CNTN5: variants seen among roughly 807,000 people sequenced by gnomAD.
CNTN5 encodes contactin 5, also known as contactin-5.
A neutral mutation model predicts 129.1 loss-of-function variants in CNTN5; 77 were observed. The ratio of observed to expected loss-of-function variants is 0.60; its 90% CI spans 0.50 to 0.72. The LOEUF (loss-of-function observed/expected upper bound fraction) is 0.72. CNTN5 is among the 30% of genes least tolerant of loss of function. The pLI, the probability that CNTN5 is intolerant of heterozygous loss-of-function variation, is 0.00. For missense variants in CNTN5, 1,478 were observed against 1,328.8 expected (o/e 1.11, Z -1.75); for synonymous variants, 509 against 465.6 (o/e 1.09, Z -1.20).
At chr11:99,162,608 A>G (rs1199212182) in intron 1 of CNTN5, among the ~76,000 whole-genome samples, 1 of 152,176 alleles carries the variant, frequency 6.6e-6, no homozygotes, top group Non-Finnish European at 1.5e-5. Flanking sequence ...CCTATAATAC[A>G]TTATCTGATA....
rs1315133572 is a variant in CNTN5 at position 99,984,809 on chromosome 11, A to G, written c.878-17225A>G. ...ATTTGAGGCAAAATATGGAAAGATA[A>G]CTTAGGACTAGAACATTGGAGCTGA... On this transcript the variant is annotated intron_variant, in intron 8 of 24. Transcript: ENST00000524871. Among the ~76,000 whole-genome samples the G allele has an allele frequency of 2.0e-5, 3 of 152,214 alleles. No individual in the cohort carries two copies. The East Asian group carries it at 5.8e-4, about 29-fold the overall frequency.
intron 3 of CNTN5, among the ~76,000 whole-genome samples, chr11:99,711,068 A>T (rs545270909): frequency 6.6e-6 from 1 of 151,936 alleles, no homozygotes; most frequent in Non-Finnish European, 1.5e-5. Context: ...CTAATTGTAC[A>T]TAACCTATAT....
intron 3 of CNTN5, among the ~76,000 whole-genome samples, chr11:99,753,248 GAGTAGC>G (rs1944295474): frequency 7.0e-6 from 1 of 143,034 alleles, no homozygotes; most frequent in African/African-American, 2.6e-5. Flanking sequence ...TCAGCCTCCC[GAGTAGC>G]TGGGACTACA....
chr11:99,557,004 G>A (rs1948695629), intron 3 of CNTN5, among the ~76,000 whole-genome samples: 1 of 151,172 alleles, frequency 6.6e-6, no homozygotes, highest in Non-Finnish European at 1.5e-5. Flanking sequence ...CGCTATGCAT[G>A]TAACATTTAC....
At chr11:99,052,210 CAT>C (rs911966491) in intron 1 of CNTN5, among the ~76,000 whole-genome samples, 2 of 151,626 alleles carry the variant, frequency 1.3e-5, no homozygotes, top group African/African-American at 2.4e-5. Context: ...CATATGTTTA[CAT>C]ATATATACAC....
chr11:99,825,127 G>T (rs1462233281), intron 4 of CNTN5, among the ~76,000 whole-genome samples: 1 of 151,968 alleles, frequency 6.6e-6, no homozygotes, highest in African/African-American at 2.4e-5. Flanking sequence ...AAAATAGTTT[G>T]TAAAAATTGC....
intron 1 of CNTN5, among the ~76,000 whole-genome samples, chr11:99,273,906 A>G (rs1863299801): frequency 6.6e-6 from 1 of 151,682 alleles, no homozygotes; most frequent in Non-Finnish European, 1.5e-5. Flanking sequence ...ATTGCTTCTT[A>G]GGAACTTTTA....
At chr11:99,391,657 G>C (rs1042560612) in intron 2 of CNTN5, among the ~76,000 whole-genome samples, 5 of 151,992 alleles carry the variant, frequency 3.3e-5, no homozygotes, top group African/African-American at 1.2e-4. Flanking sequence ...GGTGAAGGTA[G>C]GGCATTAAGC....
chr11:99,118,395 A>T (rs1479844527), intron 1 of CNTN5, among the ~76,000 whole-genome samples: 1 of 152,118 alleles, frequency 6.6e-6, no homozygotes, highest in East Asian at 1.9e-4. Flanking sequence ...TTTGGTTTCA[A>T]TGTTGCTGAC....
intron 3 of CNTN5, among the ~76,000 whole-genome samples, chr11:99,723,018 C>T (rs998926727): frequency 1.2e-4 from 18 of 151,944 alleles, no homozygotes; most frequent in Non-Finnish European, 2.2e-4. Context: ...TCAGCTCATG[C>T]ACTCTAGTGT....
At chr11:99,551,142 A>G (rs184937522) in intron 2 of CNTN5, among the ~76,000 whole-genome samples, 141 of 152,296 alleles carry the variant, frequency 9.3e-4, no homozygotes, top group Middle Eastern at 6.8e-3. Context: ...CTATTTATAC[A>G]CTGCAGTTTC....
intron 3 of CNTN5, among the ~76,000 whole-genome samples, chr11:99,711,772 G>A (rs1489380873): frequency 2.6e-5 from 4 of 151,904 alleles, no homozygotes; most frequent in Admixed American, 2.6e-4. Context: ...GAGAATCATG[G>A]TTTCCAGCTT....
intron 9 of CNTN5, among the ~76,000 whole-genome samples, chr11:100,020,483 G>T (rs562334212): frequency 6.6e-6 from 1 of 151,926 alleles, no homozygotes; most frequent in Admixed American, 6.6e-5. Flanking sequence ...TCTTCCATAT[G>T]CCTATATGTC....
Position 99,370,112 on chromosome 11 carries a change from A to G in CNTN5, c.-71+44628A>G, listed in dbSNP as rs182824795. Among the ~76,000 whole-genome samples the G allele has an allele frequency of 7.2e-5, 11 of 152,292 alleles. No individual in the cohort carries two copies. The East Asian group carries it at 2.1e-3, about 29-fold the overall frequency. ...ATTTCATATGTGAAACAAGATAAAAACTATATTTTAGATTATTTGGAGGAA... is the reference window on the plus strand; with the variant it reads ...ATTTCATATGTGAAACAAGATAAAAGCTATATTTTAGATTATTTGGAGGAA... On this transcript the variant is annotated intron_variant, in intron 2 of 24. Transcript: ENST00000524871.
chr11:99,430,510 C>T (rs958295342), intron 2 of CNTN5, among the ~76,000 whole-genome samples: 6 of 149,610 alleles, frequency 4.0e-5, no homozygotes, highest in Non-Finnish European at 7.4e-5. Flanking sequence ...GCTCTCTTTT[C>T]TCTCTCTATA....
At chr11:99,108,993 T>C (rs1857649543) in intron 1 of CNTN5, among the ~76,000 whole-genome samples, 1 of 151,802 alleles carries the variant, frequency 6.6e-6, no homozygotes, top group African/African-American at 2.4e-5. Flanking sequence ...AAGGCTCATA[T>C]GTAAGTAAAT....
chr11:99,249,600 G>C (rs986302787), intron 1 of CNTN5, among the ~76,000 whole-genome samples: 36 of 151,842 alleles, frequency 2.4e-4, no homozygotes, highest in Non-Finnish European at 3.7e-4. Flanking sequence ...ACATATTCTA[G>C]GTTTTTAAAA....
rs116013747 is a variant in CNTN5, at chr11:99,127,829, C to T, written c.-210+106559C>T. 8.5e-3 allele frequency among the ~76,000 whole-genome samples: 1,295 copies of T among 152,240 alleles called. 23 individuals carry two copies. The highest frequency in any genetic ancestry group is 0.029 in the African/African-American group (1,203 of 41,548). Reference sequence around the variant, plus strand: ...TTTGTCCAGTGGTATCCTCCATTAACGTCTTTATCACATATGACAACTATG... The same window carrying T: ...TTTGTCCAGTGGTATCCTCCATTAATGTCTTTATCACATATGACAACTATG... On this transcript the variant is annotated intron_variant, in intron 1 of 24. Coordinates refer to ENST00000524871, the MANE Select transcript of CNTN5 (RefSeq NM_014361.4).
At chr11:99,793,803 A>T (rs1208586406) in intron 3 of CNTN5, among the ~76,000 whole-genome samples, 4 of 152,076 alleles carry the variant, frequency 2.6e-5, no homozygotes, top group Non-Finnish European at 5.9e-5. Flanking sequence ...TTCAATTTAT[A>T]AAAAAATAAT....
Sources: allele counts gnomAD v4.1 joint callset (sites outside exome capture counted in the v4.1 genomes callset), GRCh38; gene constraint gnomAD v4.1.1; transcripts MANE v1.5; gene names NCBI Gene and HGNC (gene_info 2026-07-23, HGNC 2026-07-21).